Variants in GMDS observed in about 807,000 individuals in gnomAD.
GMDS encodes GDP-mannose 4,6-dehydratase, also known as GDP-mannose 4,6 dehydratase.
A neutral mutation model predicts 49.9 loss-of-function variants in GMDS; 20 were observed. The observed-to-expected ratio is 0.40, with a 90% CI of 0.28 to 0.58. The LOEUF is 0.58. GMDS is among the 20% of genes least tolerant of loss of function. GMDS has a pLI of 0.42. For missense variants in GMDS, 362 were observed against 481.4 expected, an observed-to-expected ratio of 0.75 and a Z score of 2.32; for synonymous variants, 177 against 178.6, an observed-to-expected ratio of 0.99 and a Z score of 0.07.
intron 9 of GMDS, among the ~76,000 whole-genome samples, chr6:1,707,957 A>C (rs1047098396): frequency 2.6e-5 from 4 of 152,198 alleles, no homozygotes; most frequent in Non-Finnish European, 4.4e-5. Context: ...CTGTTGTTGC[A>C]CCAAAGACTT....
intron 7 of GMDS, among the ~76,000 whole-genome samples, chr6:1,849,665 T>C (rs1181560879): frequency 6.6e-6 from 1 of 152,206 alleles, no homozygotes; most frequent in Non-Finnish European, 1.5e-5. Context: ...ATTACTGTTG[T>C]TGTAGCTTTT....
At chr6:1,999,912 A>C (rs1474035686) in intron 4 of GMDS, among the ~76,000 whole-genome samples, 13 of 100,378 alleles carry the variant, frequency 1.3e-4, no homozygotes, top group South Asian at 2.9e-4. Context: ...TAATATATAT[A>C]TTATATACAT....
In GMDS at chr6:1,983,842, C is replaced by T. The variant is rs116653661; in HGVS notation, c.346-22876G>A. Among the ~76,000 whole-genome samples, 691 of 152,274 alleles carry T rather than the reference C, an allele frequency of 4.5e-3. 6 individuals are homozygous for T. Among genetic ancestry groups the T allele is most frequent in the African/African-American group, 0.015 (640 of 41,546 alleles). On this transcript the variant is annotated intron_variant, in intron 4 of 10. Coordinates refer to ENST00000380815, the MANE Select transcript of GMDS (RefSeq NM_001500.4). ...CCTCAAAGACCCAGAGGCAGAAATACCATTTTATCCAGCAATCCCATTACT... is the reference window on the plus strand; with the variant it reads ...CCTCAAAGACCCAGAGGCAGAAATATCATTTTATCCAGCAATCCCATTACT...
chr6:2,176,498 T>G (rs776456920), intron 1 of GMDS, among the ~76,000 whole-genome samples: 9 of 152,060 alleles, frequency 5.9e-5, no homozygotes, highest in Non-Finnish European at 8.8e-5. Flanking sequence ...CCAACTTAAC[T>G]TGGAGGAAAT....
intron 4 of GMDS, among the ~76,000 whole-genome samples, chr6:2,072,225 T>G (rs1235412365): frequency 1.3e-5 from 2 of 152,198 alleles, no homozygotes; most frequent in African/African-American, 4.8e-5. Flanking sequence ...TTAAAAACTT[T>G]TGTTTCTACA....
intron 8 of GMDS, among the ~76,000 whole-genome samples, chr6:1,727,815 C>T (rs1264215507): frequency 2.0e-5 from 3 of 152,146 alleles, no homozygotes; most frequent in African/African-American, 7.2e-5. Context: ...TACCAATGGA[C>T]TCAAGGCAAG....
chr6:1,974,910 C>A lies in GMDS; in HGVS notation c.346-13944G>T, dbSNP rs550401883. 4.6e-5 allele frequency among the ~76,000 whole-genome samples: 7 copies of A among 151,066 alleles called. No homozygotes were observed. The South Asian group carries it at 1.5e-3, about 32-fold the overall frequency. ...AAAATTAGCCAGGCACGATGGTGGG[C>A]GCCTGTAATCCTAGCTACTTGGGAG... On this transcript the variant is annotated intron_variant, in intron 4 of 10. Transcript: ENST00000380815.
intron 4 of GMDS, among the ~76,000 whole-genome samples, chr6:1,984,019 C>T (rs1187675643): frequency 6.6e-6 from 1 of 152,176 alleles, no homozygotes; most frequent in Admixed American, 6.5e-5. Flanking sequence ...TACATATACA[C>T]CATGGGATAC....
At chr6:1,809,409 T>C (rs971804690) in intron 7 of GMDS, among the ~76,000 whole-genome samples, 1 of 152,210 alleles carries the variant, frequency 6.6e-6, no homozygotes, top group South Asian at 2.1e-4. Context: ...GCTTAATAAA[T>C]TACATTCTAA....
rs1004064221 is a variant in GMDS, at chr6:1,702,162, G to A, written c.987+24254C>T. Among the ~76,000 whole-genome samples the A allele has an allele frequency of 1.4e-4, 21 of 152,372 alleles. 1 individual carries two copies. In the Middle Eastern group the frequency reaches 0.024, roughly 173 times the overall value. On this transcript the variant is annotated intron_variant, in intron 9 of 10. Coordinates refer to ENST00000380815, the MANE Select transcript of GMDS (RefSeq NM_001500.4). ...TCTCAGCAATGCCTGATGCAAGCTC[G>A]AGCTTTGACAGCAGTAGCTGGACTC...
chr6:2,130,607 G>C (rs949152043), intron 1 of GMDS, among the ~76,000 whole-genome samples: 1 of 152,168 alleles, frequency 6.6e-6, no homozygotes, highest in African/African-American at 2.4e-5. Flanking sequence ...TGAGTGTAAG[G>C]CTAACCAAGT....
intron 4 of GMDS, among the ~76,000 whole-genome samples, chr6:2,046,242 G>C (rs1770006659): frequency 6.6e-6 from 1 of 152,046 alleles, no homozygotes; most frequent in African/African-American, 2.4e-5. Flanking sequence ...ATAGACTAAA[G>C]AAAATTAGAC....
At chr6:2,085,779 C>A (rs576801461) in intron 4 of GMDS, among the ~76,000 whole-genome samples, 132 of 152,236 alleles carry the variant, frequency 8.7e-4, no homozygotes, top group Non-Finnish European at 1.1e-3. Context: ...CCACCTGCCT[C>A]GGCTTCCCAA....
chr6:1,844,351 G>A (rs1244829998), intron 7 of GMDS, among the ~76,000 whole-genome samples: 1 of 152,176 alleles, frequency 6.6e-6, no homozygotes, highest in Non-Finnish European at 1.5e-5. Flanking sequence ...TGGATTGTAT[G>A]TACTTGGATT....
At chr6:1,808,111 T>C (rs1770257696) in intron 7 of GMDS, among the ~76,000 whole-genome samples, 1 of 152,204 alleles carries the variant, frequency 6.6e-6, no homozygotes, top group Non-Finnish European at 1.5e-5. Context: ...AACTGATAAC[T>C]TCTTGTCATG....
chr6:2,058,928 C>T (rs1770940917), intron 4 of GMDS, among the ~76,000 whole-genome samples: 1 of 152,056 alleles, frequency 6.6e-6, no homozygotes, highest in Non-Finnish European at 1.5e-5. Context: ...GTAATCCCAA[C>T]AATTTGGGGG....
rs143610351 is a variant in GMDS at position 1,887,199 on chromosome 6, C to G, written c.771+42904G>C. 4.9e-3 allele frequency among the ~76,000 whole-genome samples: 748 copies of G among 152,146 alleles called. 1 individual carries two copies. The highest frequency in any genetic ancestry group is 8.5e-3 in the Non-Finnish European group (579 of 68,004). ...TTTGATAATCTTAATAAAAACCTTGCAAGTAGATATCATTACCACTTTAGA... is the reference window on the plus strand; with the variant it reads ...TTTGATAATCTTAATAAAAACCTTGGAAGTAGATATCATTACCACTTTAGA... On this transcript the variant is annotated intron_variant, in intron 7 of 10. Coordinates refer to ENST00000380815, the MANE Select transcript of GMDS (RefSeq NM_001500.4).
At chr6:1,753,318 G>T (rs536340159) in intron 7 of GMDS, among the ~76,000 whole-genome samples, 1 of 152,114 alleles carries the variant, frequency 6.6e-6, no homozygotes, top group African/African-American at 2.4e-5. Context: ...ATGGTAAAGG[G>T]ATCAATGCAA....
rs1027205385 is a variant in GMDS at position 1,655,523 on chromosome 6, T to A, written c.988-30983A>T. Among the ~76,000 whole-genome samples the A allele has an allele frequency of 1.9e-3, 16 of 8,520 alleles. No homozygotes were observed. In the East Asian group the frequency reaches 0.15, roughly 80 times the overall value. The allele number at this position is 8,520 out of a possible 152,430, so 5.6% of individuals were successfully genotyped here. On this transcript the variant is annotated intron_variant, in intron 9 of 10. Coordinates refer to ENST00000380815, the MANE Select transcript of GMDS (RefSeq NM_001500.4). ...CACACACACACACACACACACATATTTTTTTTTTTTGAGACGGAGTCTCGC... is the reference window on the plus strand; with the variant it reads ...CACACACACACACACACACACATATATTTTTTTTTTGAGACGGAGTCTCGC...
Sources: gnomAD v4.1 joint callset for allele counts (sites outside exome capture counted in the v4.1 genomes callset) on GRCh38, gnomAD v4.1.1 for gene constraint, MANE v1.5 for transcripts, NCBI Gene and HGNC (gene_info 2026-07-23, HGNC 2026-07-21) for gene names.